The following BPTF variants were observed in gnomAD, a reference collection of about 807,000 sequenced individuals.
The protein encoded by BPTF is nucleosome-remodeling factor subunit BPTF.
A neutral mutation model predicts 292.5 loss-of-function variants in BPTF; 18 were observed. That is an observed-to-expected ratio of 0.06 (90% CI 0.04 to 0.09). The LOEUF is 0.09. Ranked by LOEUF, BPTF falls within the 10% of genes least tolerant of loss-of-function variation. The probability of loss-of-function intolerance (pLI) is 1.00; values close to 1 mark genes in which losing one functional copy is unlikely to be tolerated. For synonymous variants in BPTF, 1,225 were observed against 1,251.9 expected, an observed-to-expected ratio of 0.98 and a Z score of 0.45; for missense variants, 2,726 against 3,498.7, an observed-to-expected ratio of 0.78 and a Z score of 5.57.
intron 24 of BPTF, among the ~76,000 whole-genome samples, chr17:67,961,922 C>T (rs112927623): frequency 1.3e-5 from 2 of 151,040 alleles, no homozygotes; most frequent in East Asian, 1.9e-4. Context: ...TGCAGTGAGC[C>T]GAGATCATGC....
intron 7 of BPTF, among the ~76,000 whole-genome samples, chr17:67,899,167 C>T (rs2061651912): frequency 6.6e-6 from 1 of 152,082 alleles, no homozygotes; most frequent in African/African-American, 2.4e-5. Flanking sequence ...ATTGCTGAAG[C>T]AATAATGCAG....
chr17:67,852,078 CA>C (rs1208549275), intron 1 of BPTF, among the ~76,000 whole-genome samples: 2 of 152,054 alleles, frequency 1.3e-5, no homozygotes, highest in African/African-American at 4.8e-5. Flanking sequence ...TAATGATTGA[CA>C]GTTGAGGGGC....
intron 3 of BPTF, among the ~76,000 whole-genome samples, chr17:67,868,770 T>C (rs1424130539): frequency 1.3e-5 from 2 of 152,232 alleles, no homozygotes; most frequent in African/African-American, 4.8e-5. Flanking sequence ...GATAGCTGTA[T>C]CCAACCTTGT....
intron 4 of BPTF, among the ~76,000 whole-genome samples, chr17:67,881,610 T>C (rs2145932567): frequency 6.7e-6 from 1 of 148,572 alleles, no homozygotes; most frequent in South Asian, 2.2e-4. Flanking sequence ...TTCAAGCGAT[T>C]CTCCTGCCTT....
chr17:67,843,526 A>G (rs922789439), intron 1 of BPTF, among the ~76,000 whole-genome samples: 62 of 149,036 alleles, frequency 4.2e-4, no homozygotes, highest in African/African-American at 1.4e-3. Context: ...ATGTAGATAT[A>G]TATCTAGATA....
chr17:67,929,212 T>A, intron 16 of BPTF, 124 bp from the exon 17 acceptor site: 1 of 1,448,514 alleles, frequency 6.9e-7, no homozygotes, highest in Non-Finnish European at 9.1e-7. Context: ...AGTCCTCGGA[T>A]CTCACATTCT....
At chr17:67,934,010 C>T (rs545642455) in intron 18 of BPTF, among the ~76,000 whole-genome samples, 108 of 151,926 alleles carry the variant, frequency 7.1e-4, no homozygotes, top group African/African-American at 2.5e-3. Flanking sequence ...TGCCATTGCA[C>T]TCCAACGTGG....
intron 18 of BPTF, among the ~76,000 whole-genome samples, chr17:67,934,870 C>CAAAAAAAAAAAAAAAAAAAAAA (rs569120237): frequency 1.1e-5 from 1 of 91,052 alleles, no homozygotes; most frequent in African/African-American, 5.7e-5. Context: ...AACTCTGTCT[C>CAAAAAAAAAAAAAAAAAAAAAA]AAAAAAAAAA....
chr17:67,966,539 A>C, intron 25 of BPTF, 33 bp from the exon 26 acceptor site: 1 of 1,586,618 alleles, frequency 6.3e-7, no homozygotes, highest in East Asian at 2.2e-5. Context: ...TAGTGTTTTC[A>C]CTGACAATAA....
At chr17:67,976,045 T>G in intron 27 of BPTF, 87 bp downstream of exon 27, 1 of 1,060,064 alleles carries the variant, frequency 9.4e-7, no homozygotes, top group East Asian at 2.7e-5. Context: ...CAGTGCAGTT[T>G]ATGGTAAATT....
intron 18 of BPTF, among the ~76,000 whole-genome samples, chr17:67,937,516 A>C (rs571434441): frequency 1.3e-5 from 2 of 152,350 alleles, no homozygotes; most frequent in East Asian, 3.9e-4. Flanking sequence ...CTCACTAACA[A>C]GATGAAATTT....
At chr17:67,858,099 T>C (rs1254620472) in intron 2 of BPTF, among the ~76,000 whole-genome samples, 1 of 152,218 alleles carries the variant, frequency 6.6e-6, no homozygotes, top group Non-Finnish European at 1.5e-5. Flanking sequence ...AATATTTCTT[T>C]AGCATGGTTT....
chr17:67,886,213 CAGT>C, intron 4 of BPTF: 2 of 1,613,964 alleles, frequency 1.2e-6, no homozygotes, highest in Admixed American at 3.3e-5. Flanking sequence ...GTAACAGCAG[CAGT>C]GAACTAAATT....
chr17:67,847,674 CAAA>C (rs543574039), intron 1 of BPTF, among the ~76,000 whole-genome samples: 5 of 52,964 alleles, frequency 9.4e-5, no homozygotes, highest in Non-Finnish European at 7.8e-5. Context: ...GACTCCGTCT[CAAA>C]AAAAAAAAAA....
intron 20 of BPTF, 145 bp from the exon 21 acceptor site, chr17:67,945,264 C>G: frequency 3.5e-6 from 5 of 1,417,254 alleles, no homozygotes; most frequent in Non-Finnish European, 3.7e-6. Context: ...AAACGATCCT[C>G]CCACCTCAAC....
intron 15 of BPTF, 109 bp downstream of exon 15, chr17:67,924,698 G>A (rs2063726585): frequency 3.3e-6 from 4 of 1,217,810 alleles, no homozygotes; most frequent in Non-Finnish European, 3.5e-6. Flanking sequence ...GGTCCCACTT[G>A]ACAACATACA....
chr17:67,869,862 C>A (rs1206476670), intron 3 of BPTF, among the ~76,000 whole-genome samples: 1 of 147,556 alleles, frequency 6.8e-6, no homozygotes, highest in Non-Finnish European at 1.5e-5. Flanking sequence ...ATTAGCCAGG[C>A]GTGGTGGCAG....
chr17:67,909,678 A>G lies in BPTF; in HGVS notation c.2909A>G (p.Asp970Gly), dbSNP rs1156963170. ...AAAATAGAGCCTGATTCTGAAAAAG[A>G]TGAGGTAAAAGGTTCAGATGCTGCA... is the stretch of plus-strand genomic sequence containing the variant. The part of the protein sequence containing the change: ...KIKIEPDSEK[D>G]EVKGSDAAKG... The change falls in exon 10 of 28, where the codon GAT (aspartate) becomes GGT (glycine). Residue 970 changes from aspartate to glycine, a missense_variant. Physicochemically the swap from Asp to Gly is moderately conservative, Grantham distance 94. Coordinates refer to ENST00000306378, the MANE Select transcript of BPTF (RefSeq NM_182641.4). 3 of 1,605,104 alleles carry G rather than the reference A, an allele frequency of 1.9e-6. No homozygotes were observed. The highest frequency in any genetic ancestry group is 4.5e-5 in the East Asian group (2 of 44,790).
intron 1 of BPTF, among the ~76,000 whole-genome samples, chr17:67,830,077 C>T (rs749786506): frequency 2.6e-5 from 4 of 152,182 alleles, no homozygotes; most frequent in Non-Finnish European, 5.9e-5. Context: ...TTTAGACTTA[C>T]TTCAGCCTAT....
Sources: allele counts gnomAD v4.1 joint callset (sites outside exome capture counted in the v4.1 genomes callset), GRCh38; gene constraint gnomAD v4.1.1; transcripts MANE v1.5; gene names NCBI Gene and HGNC (gene_info 2026-07-23, HGNC 2026-07-21).